The following DPP8 variants were observed in gnomAD, a reference collection of about 807,000 sequenced individuals.
DPP8 encodes DPP VIII.
A neutral mutation model predicts 107.5 loss-of-function variants in DPP8; 31 were observed. That is an observed-to-expected ratio of 0.29 (90% CI 0.22 to 0.39). DPP8 has a LOEUF of 0.39. Among genes scored for constraint, DPP8 ranks in the 10% least tolerant of loss-of-function variants. The probability of loss-of-function intolerance (pLI) is 1.00; values close to 1 mark genes in which losing one functional copy is unlikely to be tolerated. For missense variants in DPP8, 842 were observed against 1,076.1 expected (o/e 0.78, Z 3.04); for synonymous variants, 381 against 356.6 (o/e 1.07, Z -0.77).
At chr15:65,481,360 A>C (rs142862458) in intron 9 of DPP8, among the ~76,000 whole-genome samples, 155 bp downstream of exon 9, 51 of 152,342 alleles carry the variant, frequency 3.3e-4, no homozygotes, top group African/African-American at 1.2e-3. Context: ...GCACAAATCC[A>C]CTTAATTCAA....
intron 12 of DPP8, among the ~76,000 whole-genome samples, chr15:65,470,530 T>C (rs1193435993): frequency 3.5e-5 from 5 of 143,764 alleles, no homozygotes; most frequent in Admixed American, 2.2e-4. Flanking sequence ...TGCTTGAACC[T>C]GGGAGGCAGA....
At chr15:65,498,756 A>G (rs1166836779) in intron 4 of DPP8, among the ~76,000 whole-genome samples, 1 of 152,178 alleles carries the variant, frequency 6.6e-6, no homozygotes, top group Admixed American at 6.6e-5. Flanking sequence ...TCTCAAAAGA[A>G]GAGTTCCTAA....
At chr15:65,493,561 A>G (rs1036552030) in intron 5 of DPP8, among the ~76,000 whole-genome samples, 1 of 152,178 alleles carries the variant, frequency 6.6e-6, no homozygotes, top group Non-Finnish European at 1.5e-5. Context: ...GTCAGGTGTT[A>G]CTGCCAAATG....
chr15:65,480,689 T>C (rs2066842896), intron 9 of DPP8, among the ~76,000 whole-genome samples: 1 of 152,120 alleles, frequency 6.6e-6, no homozygotes. Context: ...TCCCAGCACT[T>C]TGGGAGGTCA....
At chr15:65,499,193 C>T (rs771067198) in intron 4 of DPP8, among the ~76,000 whole-genome samples, 15 of 151,398 alleles carry the variant, frequency 9.9e-5, no homozygotes, top group Admixed American at 2.0e-4. Flanking sequence ...TCCCTCAGTG[C>T]TTACACAGGA....
chr15:65,495,548 G>A (rs943419193), intron 5 of DPP8, among the ~76,000 whole-genome samples: 1 of 152,068 alleles, frequency 6.6e-6, no homozygotes, highest in Non-Finnish European at 1.5e-5. Flanking sequence ...AGGTTACAGT[G>A]AGCTGAGATA....
rs199654797 is a variant in DPP8 at position 65,452,118 on chromosome 15, T to C, written c.2272-16A>G. ...CAATAGCAACCTGCATAAGATGACA[T>C]TGACAGTCAAGTGTGGTCTGGAAAA... On this transcript the variant is annotated splice_polypyrimidine_tract_variant and intron_variant, in intron 17 of 19. Transcript: ENST00000300141. 7.6e-5 allele frequency: 122 copies of C among 1,594,884 alleles called. No homozygotes were observed. The highest frequency in any genetic ancestry group is 9.3e-5 in the Non-Finnish European group (109 of 1,173,518).
chr15:65,497,457 T>C (rs2068726886), intron 5 of DPP8, among the ~76,000 whole-genome samples: 1 of 152,036 alleles, frequency 6.6e-6, no homozygotes, highest in African/African-American at 2.4e-5. Context: ...TGTCACCATG[T>C]TGCCCATCCT....
chr15:65,500,653 CG>C lies in DPP8; in HGVS notation c.498del (p.Gly167ValfsTer7). ...HQGSGTFLFQ[A>X]GSGIYHVKDG... ...TCTTTTACGTGATAAATTCCACTAC[CG>C]GCTTGAAACAGAAATGTTCCACTTC... is the stretch of plus-strand genomic sequence containing the variant. On this transcript the variant is annotated frameshift_variant, in exon 4 of 20. Transcript: ENST00000300141. LOFTEE classifies it high-confidence loss of function. The C allele has an allele frequency of 6.2e-7, 1 of 1,613,990 alleles. No homozygotes were observed. The highest frequency in any genetic ancestry group is 8.5e-7 in the Non-Finnish European group (1 of 1,179,934).
At chr15:65,483,104 T>A (rs925230223) in intron 8 of DPP8, among the ~76,000 whole-genome samples, 7 of 151,008 alleles carry the variant, frequency 4.6e-5, no homozygotes, top group Admixed American at 2.0e-4. Context: ...CTCAAAAAAA[T>A]AAATAAATAA....
chr15:65,494,596 C>T (rs1030305835), intron 5 of DPP8, among the ~76,000 whole-genome samples: 3 of 141,790 alleles, frequency 2.1e-5, no homozygotes, highest in Admixed American at 7.5e-5. Context: ...ATTGCTGCAG[C>T]CCCGTGAAGA....
intron 16 of DPP8, chr15:65,455,976 C>T: frequency 1.2e-6 from 1 of 866,446 alleles, no homozygotes; most frequent in Non-Finnish European, 1.7e-6. Context: ...TAAATTCTAC[C>T]CAAGTGGACA....
chr15:65,460,395 A>T (rs989393647), intron 15 of DPP8, among the ~76,000 whole-genome samples: 1 of 152,204 alleles, frequency 6.6e-6, no homozygotes, highest in Non-Finnish European at 1.5e-5. Context: ...GTGAGCTGAG[A>T]TCATGCCTCT....
At chr15:65,460,802 T>A (rs1411635125) in intron 15 of DPP8, among the ~76,000 whole-genome samples, 1 of 152,220 alleles carries the variant, frequency 6.6e-6, no homozygotes, top group East Asian at 1.9e-4. Context: ...TGTATAAGTA[T>A]CTGTTCCTGT....
intron 3 of DPP8, among the ~76,000 whole-genome samples, chr15:65,505,182 C>T (rs1334594707): frequency 5.3e-5 from 8 of 151,600 alleles, no homozygotes; most frequent in African/African-American, 1.7e-4. Context: ...AGTGAAACCC[C>T]GTCCGTACTA....
rs1188235205 is a variant in DPP8 at position 65,517,568 on chromosome 15, C to G, written c.-94G>C. 1 of 152,372 alleles carries G rather than the reference C, an allele frequency of 6.6e-6. No individual in the cohort carries two copies. The highest frequency in any genetic ancestry group is 3.2e-3 in the Middle Eastern group (1 of 316). The allele number at this position is 152,372 out of a possible 1,614,324, so 9.4% of individuals were successfully genotyped here. On this transcript the variant is annotated 5_prime_UTR_variant, in exon 1 of 20. Coordinates refer to ENST00000300141, the MANE Select transcript of DPP8 (RefSeq NM_130434.5). ...GCTTCATGCTGCGCCGCCTCCACTC[C>G]GGTCCTGGTTGCAGTGGCTTCCTCG...
chr15:65,490,118 G>A, intron 6 of DPP8, 71 bp downstream of exon 6: 1 of 811,830 alleles, frequency 1.2e-6, no homozygotes. Flanking sequence ...TTAGAACTGT[G>A]CACTTAAATG....
chr15:65,452,058 A>G lies in DPP8; in HGVS notation c.2316T>C (p.Asp772=). ...GAPVTLWIFY[D]TGYTERYMGH... ...CCATATAACGTTCCGTGTATCCTGTATCATAGAAGATCCACAGAGTGACTG... is the reference window on the plus strand; with the variant it reads ...CCATATAACGTTCCGTGTATCCTGTGTCATAGAAGATCCACAGAGTGACTG... Residue 772 remains aspartate, a synonymous_variant, in exon 18 of 20, where the codon GAT becomes GAC. Transcript: ENST00000300141. The G allele has an allele frequency of 6.2e-7, 1 of 1,611,482 alleles. No homozygotes were observed. The highest frequency in any genetic ancestry group is 1.1e-5 in the South Asian group (1 of 90,632).
intron 19 of DPP8, chr15:65,450,724 G>C (rs934430942): frequency 7.6e-6 from 2 of 261,782 alleles, no homozygotes; most frequent in South Asian, 9.8e-5. Context: ...GGATAACAGT[G>C]AATGGACTTC....
Sources: allele counts gnomAD v4.1 joint callset (sites outside exome capture counted in the v4.1 genomes callset), GRCh38; gene constraint gnomAD v4.1.1; transcripts MANE v1.5; gene names NCBI Gene and HGNC (gene_info 2026-07-23, HGNC 2026-07-21).